The following SUGCT variants were observed in gnomAD, a reference collection of about 807,000 sequenced individuals.
The protein encoded by SUGCT is succinyl-CoA:glutarate-CoA transferase.
In SUGCT, 41 loss-of-function variants were observed where a neutral mutation model predicts 55.0. That is an observed-to-expected ratio of 0.74 (90% confidence interval 0.58 to 0.97). SUGCT has a LOEUF of 0.97. Ranked by LOEUF, SUGCT falls within the 50% of genes least tolerant of loss-of-function variation. SUGCT has a pLI of 0.00. For synonymous variants in SUGCT, 187 were observed against 200.4 expected, an observed-to-expected ratio of 0.93 and a Z score of 0.56; for missense variants, 568 against 547.8, an observed-to-expected ratio of 1.04 and a Z score of -0.37.
At chr7:40,976,397 C>A in the SUGCT span, among the ~76,000 whole-genome samples, 1 of 152,116 alleles carries the variant, frequency 6.6e-6, no homozygotes, top group Admixed American at 6.5e-5. Flanking sequence ...ATAAAAATAT[C>A]CATGGATTAA....
chr7:40,948,074 T>G, the SUGCT span, among the ~76,000 whole-genome samples: 9 of 152,300 alleles, frequency 5.9e-5, no homozygotes, highest in Admixed American at 5.2e-4. Context: ...GCAAAAGAAG[T>G]CATGCCCTTT....
At chr7:40,368,627 G>A (rs1355205137) in intron 9 of SUGCT, among the ~76,000 whole-genome samples, 1 of 152,154 alleles carries the variant, frequency 6.6e-6, no homozygotes, top group Non-Finnish European at 1.5e-5. Flanking sequence ...TTCATTGAAC[G>A]TATACCTAGG....
chr7:40,536,329 G>A (rs1402099370), intron 12 of SUGCT, among the ~76,000 whole-genome samples: 1 of 152,192 alleles, frequency 6.6e-6, no homozygotes, highest in Non-Finnish European at 1.5e-5. Flanking sequence ...AAGAGAGAGG[G>A]ATACCTTATG....
At chr7:40,771,276 T>G (rs967222261) in intron 13 of SUGCT, among the ~76,000 whole-genome samples, 3 of 152,204 alleles carry the variant, frequency 2.0e-5, no homozygotes, top group Non-Finnish European at 4.4e-5. Context: ...TTTAATCTAT[T>G]AAAATGCAGC....
At chr7:40,439,068 A>G (rs200732990) in intron 9 of SUGCT, among the ~76,000 whole-genome samples, 11,101 of 33,718 alleles carry the variant, frequency 0.33, 1,998 homozygotes, top group Middle Eastern at 0.39. Context: ...TATGGTGTAT[A>G]TATATATATA....
intron 1 of SUGCT, among the ~76,000 whole-genome samples, chr7:40,163,797 C>T (rs1366934912): frequency 1.3e-5 from 2 of 151,482 alleles, no homozygotes; most frequent in East Asian, 3.9e-4. Flanking sequence ...TTTTCTTTAG[C>T]TCTATTTTCT....
chr7:40,904,415 GC>G, the SUGCT span, among the ~76,000 whole-genome samples: 2 of 152,130 alleles, frequency 1.3e-5, no homozygotes, highest in Non-Finnish European at 2.9e-5. Flanking sequence ...GACGTAATTT[GC>G]TTCATTAACT....
At chr7:40,328,161 C>CCT (rs1796110131) in intron 9 of SUGCT, among the ~76,000 whole-genome samples, 1 of 152,180 alleles carries the variant, frequency 6.6e-6, no homozygotes, top group South Asian at 2.1e-4. Context: ...AAGAGCAATT[C>CCT]AAGAGGTATA....
intron 9 of SUGCT, among the ~76,000 whole-genome samples, chr7:40,396,123 G>A (rs1785712245): frequency 6.6e-6 from 1 of 152,038 alleles, no homozygotes; most frequent in African/African-American, 2.4e-5. Context: ...TGAAAGAAGT[G>A]TCCCCCATTT....
intron 12 of SUGCT, among the ~76,000 whole-genome samples, chr7:40,713,524 A>G (rs1203460959): frequency 1.3e-5 from 2 of 152,184 alleles, no homozygotes; most frequent in Non-Finnish European, 2.9e-5. Context: ...TTTTATACCT[A>G]TTAGGTAGAT....
chr7:40,201,973 A>ATTTCT (rs939456367), intron 6 of SUGCT, among the ~76,000 whole-genome samples: 2 of 151,706 alleles, frequency 1.3e-5, no homozygotes, highest in South Asian at 2.1e-4. Flanking sequence ...CTCCTCAGTT[A>ATTTCT]TTTCTTTTCT....
chr7:40,257,526 G>A (rs1790890892), intron 7 of SUGCT, among the ~76,000 whole-genome samples: 1 of 152,016 alleles, frequency 6.6e-6, no homozygotes, highest in Admixed American at 6.6e-5. Flanking sequence ...TAAACCAGGA[G>A]GAAAGACTAA....
the SUGCT span, among the ~76,000 whole-genome samples, chr7:40,866,652 T>C: frequency 3.9e-3 from 594 of 151,936 alleles, 7 homozygotes; most frequent in African/African-American, 0.013. Flanking sequence ...AGAGCCGAAG[T>C]AGCCAGTGAC....
At chr7:41,027,996 T>A in the SUGCT span, among the ~76,000 whole-genome samples, 1 of 152,130 alleles carries the variant, frequency 6.6e-6, no homozygotes, top group Non-Finnish European at 1.5e-5. Context: ...GGGTAGATAT[T>A]GGGATTTTCT....
intron 9 of SUGCT, among the ~76,000 whole-genome samples, chr7:40,438,038 T>C (rs1788269144): frequency 6.6e-6 from 1 of 152,176 alleles, no homozygotes; most frequent in Non-Finnish European, 1.5e-5. Flanking sequence ...TGATATATTG[T>C]GTTGACATGG....
chr7:40,851,346 G>A (rs1263580999), intron 13 of SUGCT, among the ~76,000 whole-genome samples: 1 of 152,186 alleles, frequency 6.6e-6, no homozygotes, highest in Admixed American at 6.5e-5. Flanking sequence ...TAATGTTGTT[G>A]TGAGGATCAA....
intron 13 of SUGCT, among the ~76,000 whole-genome samples, chr7:40,850,752 T>A (rs996922567): frequency 1.3e-5 from 2 of 152,244 alleles, no homozygotes; most frequent in Non-Finnish European, 2.9e-5. Flanking sequence ...TAAAAAACCT[T>A]GTCCCTGACA....
At chr7:40,213,837 T>C (rs972555979) in intron 6 of SUGCT, among the ~76,000 whole-genome samples, 3 of 152,222 alleles carry the variant, frequency 2.0e-5, no homozygotes, top group Non-Finnish European at 4.4e-5. Context: ...GGTTGCTCTT[T>C]CAGGTTGACT....
chr7:40,311,097 A>G (rs1277141127), intron 8 of SUGCT, among the ~76,000 whole-genome samples: 1 of 152,190 alleles, frequency 6.6e-6, no homozygotes, highest in African/African-American at 2.4e-5. Flanking sequence ...TAAGGCTGTC[A>G]TAGTTTACCC....
Sources: allele counts gnomAD v4.1 joint callset (sites outside exome capture counted in the v4.1 genomes callset), GRCh38; gene constraint gnomAD v4.1.1; transcripts MANE v1.5; gene names NCBI Gene and HGNC (gene_info 2026-07-23, HGNC 2026-07-21).